NEXMIF: variants seen among roughly 807,000 people sequenced by gnomAD.
The protein encoded by NEXMIF is neurite extension and migration factor.
In NEXMIF, 8 loss-of-function variants were observed where a neutral mutation model predicts 62.1. The observed-to-expected ratio is 0.13, with a 90% CI of 0.08 to 0.23. NEXMIF has a LOEUF of 0.23. NEXMIF is among the 10% of genes least tolerant of loss of function. NEXMIF has a pLI of 1.00. For missense variants in NEXMIF, 976 were observed against 1,113.3 expected (o/e 0.88, Z 1.75); for synonymous variants, 404 against 416.6 (o/e 0.97, Z 0.37).
chrX:74,904,730 C>CT (rs1378201416), intron 1 of NEXMIF, among the ~76,000 whole-genome samples: 1 of 111,071 alleles, frequency 9.0e-6, no homozygotes, highest in Non-Finnish European at 1.9e-5. Context: ...CCCCACCGCT[C>CT]TTTTTTTCCT....
rs370137554 is a variant in NEXMIF at position 74,890,637 on chromosome X, A to G, written c.-48+34246T>C. The stretch of plus-strand genomic sequence containing the variant: ...AAAATACTCAACAGAACCCGCAGCC[A>G]CATGGGACAAATACACCCTCCATGG... On this transcript the variant is annotated intron_variant, in intron 1 of 3. Coordinates refer to ENST00000055682, the MANE Select transcript of NEXMIF (RefSeq NM_001008537.3). Among the ~76,000 whole-genome samples the G allele has an allele frequency of 2.7e-5, 3 of 112,018 alleles. No homozygotes were observed. In the East Asian group the frequency reaches 8.4e-4, roughly 31 times the overall value.
At chrX:74,893,363 A>G (rs2080723660) in intron 1 of NEXMIF, among the ~76,000 whole-genome samples, 1 of 112,235 alleles carries the variant, frequency 8.9e-6, no homozygotes, top group South Asian at 3.7e-4. Flanking sequence ...CATGCTGCAG[A>G]GCAAATGGAG....
chrX:74,749,630 A>C (rs2080135912), intron 1 of NEXMIF, among the ~76,000 whole-genome samples: 1 of 107,005 alleles, frequency 9.3e-6, no homozygotes, highest in Non-Finnish European at 1.9e-5. Context: ...CCCTTTCCCA[A>C]CCTCCCTTTC....
At chrX:74,893,754 T>TTA (rs1277991026) in intron 1 of NEXMIF, among the ~76,000 whole-genome samples, 4 of 111,972 alleles carry the variant, frequency 3.6e-5, no homozygotes, top group Non-Finnish European at 5.6e-5. Context: ...TTTGCAGAAA[T>TTA]TATAGCATCC....
intron 1 of NEXMIF, among the ~76,000 whole-genome samples, chrX:74,888,674 C>T (rs2080706575): frequency 9.2e-6 from 1 of 108,567 alleles, no homozygotes; most frequent in East Asian, 3.3e-4. Context: ...ACATGTATCC[C>T]AGAATCTAAA....
chrX:74,877,044 C>T (rs929117832), intron 1 of NEXMIF, among the ~76,000 whole-genome samples: 2 of 111,500 alleles, frequency 1.8e-5, no homozygotes, highest in Admixed American at 9.6e-5. Flanking sequence ...ACGATGTTAG[C>T]TGGGTATTTT....
chrX:74,853,511 A>G (rs2080523357), intron 1 of NEXMIF, among the ~76,000 whole-genome samples: 1 of 109,551 alleles, frequency 9.1e-6, no homozygotes, highest in African/African-American at 3.3e-5. Context: ...GCTTCCAGGT[A>G]CAGCTGCCAT....
At chrX:74,761,505 C>T (rs904469926) in intron 1 of NEXMIF, among the ~76,000 whole-genome samples, 21 of 110,875 alleles carry the variant, frequency 1.9e-4, no homozygotes, top group African/African-American at 6.9e-4. Context: ...CAGTTTGTGT[C>T]CATAGAGGTG....
chrX:74,858,291 T>C (rs920185636), intron 1 of NEXMIF, among the ~76,000 whole-genome samples: 8 of 112,238 alleles, frequency 7.1e-5, no homozygotes, highest in Admixed American at 6.6e-4. Flanking sequence ...TGTCACCTCA[T>C]CCCAAGCTCC....
At chrX:74,813,540 C>T (rs1163740098) in intron 1 of NEXMIF, among the ~76,000 whole-genome samples, 1 of 112,010 alleles carries the variant, frequency 8.9e-6, no homozygotes, top group Non-Finnish European at 1.9e-5. Flanking sequence ...CTCTTCAAGA[C>T]AATAAGCATC....
At chrX:74,903,586 T>C (rs1417649550) in intron 1 of NEXMIF, among the ~76,000 whole-genome samples, 1 of 111,725 alleles carries the variant, frequency 9.0e-6, no homozygotes, top group Non-Finnish European at 1.9e-5. Context: ...ATTAAACTGA[T>C]TAAAGCAGAA....
At chrX:74,896,687 C>T (rs1164515851) in intron 1 of NEXMIF, among the ~76,000 whole-genome samples, 1 of 111,705 alleles carries the variant, frequency 9.0e-6, no homozygotes, top group Non-Finnish European at 1.9e-5. Context: ...TGCCATCTGC[C>T]AAATCTAGTG....
At chrX:74,918,788 T>C (rs1276097499) in intron 1 of NEXMIF, among the ~76,000 whole-genome samples, 2 of 112,259 alleles carry the variant, frequency 1.8e-5, no homozygotes, top group Admixed American at 1.9e-4. Context: ...TTTTTTCTTG[T>C]CTGCATTATT....
intron 1 of NEXMIF, among the ~76,000 whole-genome samples, chrX:74,758,592 G>C (rs774418953): frequency 8.1e-5 from 9 of 110,723 alleles, no homozygotes; most frequent in South Asian, 7.9e-4. Flanking sequence ...CCCAGTGTCT[G>C]TTGTTCCCCT....
intron 1 of NEXMIF, among the ~76,000 whole-genome samples, chrX:74,813,078 C>T (rs1194404315): frequency 9.0e-6 from 1 of 111,656 alleles, no homozygotes; most frequent in Non-Finnish European, 1.9e-5. Context: ...CACAAAATTC[C>T]TAGGGATGAT....
At chrX:74,804,819 G>C (rs2080340110) in intron 1 of NEXMIF, among the ~76,000 whole-genome samples, 1 of 111,915 alleles carries the variant, frequency 8.9e-6, no homozygotes. Context: ...GATTCGCCTA[G>C]GTGTTGCAGT....
intron 1 of NEXMIF, among the ~76,000 whole-genome samples, chrX:74,906,767 T>A (rs1454860653): frequency 9.0e-6 from 1 of 111,016 alleles, no homozygotes; most frequent in Non-Finnish European, 1.9e-5. Flanking sequence ...TTGCTGAAAA[T>A]AAAGCTTTTC....
intron 1 of NEXMIF, among the ~76,000 whole-genome samples, chrX:74,881,335 G>A (rs949986264): frequency 2.8e-5 from 3 of 106,401 alleles, no homozygotes; most frequent in African/African-American, 1.1e-4. Flanking sequence ...GTACTCTGAG[G>A]GCTTTCCTAC....
At chrX:74,856,800 T>G (rs776344368) in intron 1 of NEXMIF, among the ~76,000 whole-genome samples, 65 of 111,505 alleles carry the variant, frequency 5.8e-4, no homozygotes, top group Non-Finnish European at 1.0e-3. Context: ...ACATGACCCC[T>G]CCCCCATTCC....
Sources: gnomAD v4.1 joint callset for allele counts (sites outside exome capture counted in the v4.1 genomes callset) on GRCh38, gnomAD v4.1.1 for gene constraint, MANE v1.5 for transcripts, NCBI Gene and HGNC (gene_info 2026-07-23, HGNC 2026-07-21) for gene names.